Variants in ZBTB20 observed in about 807,000 individuals in gnomAD.
ZBTB20 encodes zinc finger and BTB domain-containing protein 20.
In ZBTB20, 9 loss-of-function variants were observed where a neutral mutation model predicts 56.9. The observed-to-expected ratio is 0.16, with a 90% CI of 0.10 to 0.28. ZBTB20 has a LOEUF of 0.28. Among genes scored for constraint, ZBTB20 ranks in the 10% least tolerant of loss-of-function variants. The probability of loss-of-function intolerance (pLI) is 1.00; values close to 1 mark genes in which losing one functional copy is unlikely to be tolerated. For missense variants in ZBTB20, 655 were observed against 1,003.0 expected (o/e 0.65, Z 4.69); for synonymous variants, 417 against 420.7 (o/e 0.99, Z 0.11).
chr3:114,534,177 A>T (rs2048183931), intron 6 of ZBTB20, among the ~76,000 whole-genome samples: 1 of 152,214 alleles, frequency 6.6e-6, no homozygotes, highest in African/African-American at 2.4e-5. Flanking sequence ...TGCCCCAATT[A>T]AAAGACACAG....
At chr3:114,344,048 C>CA (rs58864839) in intron 11 of ZBTB20, among the ~76,000 whole-genome samples, 2,863 of 148,086 alleles carry the variant, frequency 0.019, 75 homozygotes, top group African/African-American at 0.066. Flanking sequence ...GACTCCATCT[C>CA]AAAAAAAAAA....
At chr3:114,696,281 T>C (rs2063006154) in intron 5 of ZBTB20, among the ~76,000 whole-genome samples, 1 of 152,138 alleles carries the variant, frequency 6.6e-6, no homozygotes. Flanking sequence ...CAATTTCTTA[T>C]GGCTTTAATA....
At chr3:115,029,014 T>C (rs2080548638) in intron 2 of ZBTB20, among the ~76,000 whole-genome samples, 1 of 150,054 alleles carries the variant, frequency 6.7e-6, no homozygotes. Flanking sequence ...ATAAAAAAAT[T>C]AAGAAATAAT....
At chr3:114,845,248 C>T (rs2107359635) in intron 4 of ZBTB20, among the ~76,000 whole-genome samples, 1 of 150,848 alleles carries the variant, frequency 6.6e-6, no homozygotes, top group East Asian at 1.9e-4. Context: ...ATTAAAATTT[C>T]AAATAGTGAA....
intron 1 of ZBTB20, among the ~76,000 whole-genome samples, chr3:115,113,028 G>A (rs999802553): frequency 1.3e-5 from 2 of 151,954 alleles, no homozygotes; most frequent in Non-Finnish European, 2.9e-5. Context: ...GTTTTGATTT[G>A]CATTTCTCTG....
At chr3:114,999,649 T>C (rs991211147) in intron 2 of ZBTB20, among the ~76,000 whole-genome samples, 8 of 151,710 alleles carry the variant, frequency 5.3e-5, no homozygotes, top group African/African-American at 1.4e-4. Flanking sequence ...AACAGTGCTA[T>C]ATATTTGTTA....
intron 1 of ZBTB20, among the ~76,000 whole-genome samples, chr3:115,102,066 G>A (rs2083601249): frequency 6.6e-6 from 1 of 152,140 alleles, no homozygotes; most frequent in Non-Finnish European, 1.5e-5. Flanking sequence ...CTACAGCACA[G>A]ACATTAGAAT....
intron 5 of ZBTB20, among the ~76,000 whole-genome samples, chr3:114,759,528 GC>G (rs2068283635): frequency 6.6e-6 from 1 of 152,092 alleles, no homozygotes. Flanking sequence ...GAGGTCTCTA[GC>G]CTCTGGATTG....
At chr3:114,881,534 T>C (rs2076395843) in intron 4 of ZBTB20, among the ~76,000 whole-genome samples, 1 of 152,000 alleles carries the variant, frequency 6.6e-6, no homozygotes, top group South Asian at 2.1e-4. Flanking sequence ...ATTTATTCTA[T>C]GATGGTTTCA....
chr3:115,103,555 T>C (rs889249637), intron 1 of ZBTB20, among the ~76,000 whole-genome samples: 2 of 152,162 alleles, frequency 1.3e-5, no homozygotes, highest in African/African-American at 2.4e-5. Flanking sequence ...CACATATGTA[T>C]AGTCAACTGA....
intron 4 of ZBTB20, among the ~76,000 whole-genome samples, chr3:114,827,412 T>C (rs1250063382): frequency 1.3e-5 from 2 of 151,826 alleles, no homozygotes; most frequent in Non-Finnish European, 2.9e-5. Context: ...TACACACTTG[T>C]AATGCTTCCC....
At chr3:114,650,566 T>C (rs1015293814) in intron 6 of ZBTB20, among the ~76,000 whole-genome samples, 3 of 151,966 alleles carry the variant, frequency 2.0e-5, no homozygotes, top group Non-Finnish European at 2.9e-5. Flanking sequence ...TTTAGTCTTC[T>C]TCATCTTCTT....
At chr3:115,086,023 T>A (rs1266020060) in intron 1 of ZBTB20, among the ~76,000 whole-genome samples, 1 of 151,914 alleles carries the variant, frequency 6.6e-6, no homozygotes, top group Non-Finnish European at 1.5e-5. Context: ...TATTTTTTAG[T>A]CTTAATTTCT....
chr3:114,739,539 TAGTC>T (rs1376261465), intron 5 of ZBTB20, among the ~76,000 whole-genome samples: 2 of 152,224 alleles, frequency 1.3e-5, no homozygotes, highest in African/African-American at 4.8e-5. Context: ...TGACATCACT[TAGTC>T]AGTCTCCAAC....
intron 5 of ZBTB20, among the ~76,000 whole-genome samples, chr3:114,766,144 A>G (rs1254601154): frequency 6.6e-6 from 1 of 152,144 alleles, no homozygotes; most frequent in African/African-American, 2.4e-5. Context: ...CCAGATGAGA[A>G]GTTAAAGAGA....
At chr3:114,516,125 CA>C (rs2045962054) in intron 6 of ZBTB20, among the ~76,000 whole-genome samples, 6 of 151,576 alleles carry the variant, frequency 4.0e-5, no homozygotes, top group Admixed American at 3.9e-4. Flanking sequence ...GTATAATTTA[CA>C]TACAATAAAA....
At chr3:114,928,224 C>G (rs1337323429) in intron 3 of ZBTB20, among the ~76,000 whole-genome samples, 1 of 152,208 alleles carries the variant, frequency 6.6e-6, no homozygotes, top group African/African-American at 2.4e-5. Context: ...CTTTATCTGT[C>G]GTCTGAGGCA....
chr3:114,657,257 T>C (rs1232147942), intron 6 of ZBTB20, among the ~76,000 whole-genome samples: 2 of 152,354 alleles, frequency 1.3e-5, no homozygotes, highest in East Asian at 3.9e-4. Context: ...CTTTCAATGC[T>C]TCAGGTTTGT....
chr3:114,618,960 T>A (rs1009968675), intron 6 of ZBTB20, among the ~76,000 whole-genome samples: 1 of 152,194 alleles, frequency 6.6e-6, no homozygotes, highest in Non-Finnish European at 1.5e-5. Flanking sequence ...GTGTTTTTCA[T>A]AAAAAAGATC....
Sources: allele counts gnomAD v4.1 joint callset (sites outside exome capture counted in the v4.1 genomes callset), GRCh38; gene constraint gnomAD v4.1.1; transcripts MANE v1.5; gene names NCBI Gene and HGNC (gene_info 2026-07-23, HGNC 2026-07-21).